Variants in LY9 observed in about 807,000 individuals in gnomAD.
LY9 encodes lymphocyte antigen 9.
Under a neutral mutation model 64.6 loss-of-function variants are expected in LY9, and 59 were observed. The observed-to-expected ratio is 0.91, with a 90% CI of 0.74 to 1.13. The LOEUF is 1.13. Among genes scored for constraint, LY9 ranks in the 50% most tolerant of loss-of-function variants. LY9 has a pLI of 0.00. For missense variants in LY9, 789 were observed against 797.2 expected (o/e 0.99, Z 0.12); for synonymous variants, 281 against 308.5 (o/e 0.91, Z 0.93).
In LY9 at chr1:160,816,791, A is replaced by G. The variant is rs1276875498; in HGVS notation, c.1270A>G (p.Asn424Asp). Reference sequence around the variant, plus strand: ...ATGGAGAAGCAGTGAAAATCACCCCAACCTCACATGCACAGCCAGCAACCC... The same window carrying G: ...ATGGAGAAGCAGTGAAAATCACCCCGACCTCACATGCACAGCCAGCAACCC... Reference protein sequence around the residue: ...VSWRSSENHPNLTCTASNPVS... With the variant: ...VSWRSSENHPDLTCTASNPVS... Residue 424 changes from asparagine (N) to aspartate (D), a missense_variant, in exon 5 of 10, where the codon AAC becomes GAC. Physicochemically the swap from Asn to Asp is conservative, Grantham distance 23. Transcript: ENST00000263285. The G allele has an allele frequency of 3.1e-6, 5 of 1,614,086 alleles. No individual in the cohort carries two copies. In the East Asian group the frequency reaches 8.9e-5, roughly 29 times the overall value.
intron 3 of LY9, among the ~76,000 whole-genome samples, 198 bp from the exon 4 acceptor site, chr1:160,814,222 A>G (rs779706711): frequency 2.6e-5 from 4 of 152,134 alleles, no homozygotes; most frequent in Non-Finnish European, 5.9e-5. Flanking sequence ...GGGACATGAG[A>G]GTCCAAGTAT....
intron 2 of LY9, among the ~76,000 whole-genome samples, chr1:160,804,627 C>A (rs1666805260): frequency 6.6e-6 from 1 of 152,118 alleles, no homozygotes. Context: ...AAATTCCCCC[C>A]ACTTTGATTT....
At chr1:160,824,311 C>G in intron 9 of LY9, 62 bp downstream of exon 9, 2 of 1,596,288 alleles carry the variant, frequency 1.3e-6, no homozygotes, top group Non-Finnish European at 8.5e-7. Context: ...TTCCTTAGAC[C>G]CTTTGAACTG....
intron 4 of LY9, 55 bp downstream of exon 4, chr1:160,814,816 C>A: frequency 7.0e-7 from 1 of 1,425,958 alleles, no homozygotes; most frequent in Non-Finnish European, 9.7e-7. Flanking sequence ...AAGCTTTCTC[C>A]TCTGCTGCCT....
intron 2 of LY9, chr1:160,812,323 T>A (rs544229155): frequency 6.6e-6 from 1 of 152,352 alleles, no homozygotes; most frequent in South Asian, 2.1e-4. Flanking sequence ...TCTCCAAATA[T>A]AGTTCTATCT....
At chr1:160,797,810 T>A (rs1240548887) in intron 1 of LY9, among the ~76,000 whole-genome samples, 1 of 151,918 alleles carries the variant, frequency 6.6e-6, no homozygotes, top group Non-Finnish European at 1.5e-5. Flanking sequence ...AAGTGTAAAA[T>A]ATAGTTAGTA....
At chr1:160,804,602 C>T (rs1467984571) in intron 2 of LY9, among the ~76,000 whole-genome samples, 4 of 151,878 alleles carry the variant, frequency 2.6e-5, no homozygotes, top group African/African-American at 4.8e-5. Flanking sequence ...CTGGCCTCAT[C>T]GAATGAGTTA....
At chr1:160,815,059 G>A (rs1180415671) in intron 4 of LY9, 1 of 373,104 alleles carries the variant, frequency 2.7e-6, no homozygotes, top group Non-Finnish European at 4.9e-6. Context: ...GGGACTAGGA[G>A]GCCAGGTGCG....
rs551066826 is a variant in LY9 at position 160,804,404 on chromosome 1, T to G, written c.454+4322T>G. On this transcript the variant is annotated intron_variant, in intron 2 of 9. Transcript: ENST00000263285. ...GATGTATCACATTTATTGATTTACA[T>G]ACGTTAAACCATCCTTGCATCCCTG... 1.1e-4 allele frequency among the ~76,000 whole-genome samples: 16 copies of G among 152,372 alleles called. No individual in the cohort carries two copies. In the South Asian group the frequency reaches 3.1e-3, roughly 30 times the overall value.
chr1:160,809,572 G>C (rs1299886213), intron 2 of LY9, among the ~76,000 whole-genome samples: 1 of 151,964 alleles, frequency 6.6e-6, no homozygotes, highest in Non-Finnish European at 1.5e-5. Flanking sequence ...ATGTTGCCCA[G>C]GCTGATTCCA....
rs932846797 is a variant in LY9, at chr1:160,814,500, C to G, written c.811C>G (p.Leu271Val). 1.2e-6 allele frequency: 2 copies of G among 1,614,028 alleles called. No homozygotes were observed. Among genetic ancestry groups the G allele is most frequent in the African/African-American group, 2.7e-5 (2 of 74,896 alleles). ...AGAGCCAGTCACCCTGCCACTTGCA[C>G]TCCCAGCCTGCCGGGACACAGAGAA... ...LGEPVTLPLA[L>V]PACRDTEKVV... Residue 271 changes from leucine (L) to valine (V), a missense_variant, in exon 4 of 10, where the codon CTC becomes GTC. Coordinates refer to ENST00000263285, the MANE Select transcript of LY9 (RefSeq NM_002348.4).
intron 2 of LY9, chr1:160,800,285 C>T (rs1666324984): frequency 1.8e-6 from 1 of 561,402 alleles, no homozygotes; most frequent in Non-Finnish European, 3.2e-6. Context: ...TTGATTTTCT[C>T]TATCTTACTG....
At chr1:160,799,543 T>G (rs934100571) in intron 1 of LY9, 10 of 521,312 alleles carry the variant, frequency 1.9e-5, no homozygotes, top group African/African-American at 1.9e-4. Flanking sequence ...TTTCACAGAT[T>G]GTTGTGGCTG....
intron 2 of LY9, among the ~76,000 whole-genome samples, chr1:160,809,086 C>T (rs578077445): frequency 1.3e-5 from 2 of 152,052 alleles, no homozygotes; most frequent in Admixed American, 6.5e-5. Context: ...AATGAATATT[C>T]TTGTGCACCT....
Position 160,813,647 on chromosome 1 carries a change from G to T in LY9, c.466G>T (p.Glu156Ter), listed in dbSNP as rs537621594. 1 of 1,613,526 alleles carries T rather than the reference G, an allele frequency of 6.2e-7. No homozygotes were observed. The highest frequency in any genetic ancestry group is 1.1e-5 in the South Asian group (1 of 91,028). The change falls in exon 3 of 10, where the codon GAG becomes TAG. Residue 156 changes from glutamate to a stop codon, truncating the protein, a stop_gained. Transcript: ENST00000263285. LOFTEE classifies it high-confidence loss of function. ...TGTTGTCCCTGCAGAGCAGCTGCAG[G>T]AGCCCCAAGTCACCATGAAGTCTGT... ...FTLFVYEQLQ[E>*]PQVTMKSVKV...
At chr1:160,821,167 A>AAC (rs1553192088) in intron 7 of LY9, among the ~76,000 whole-genome samples, 1 of 151,432 alleles carries the variant, frequency 6.6e-6, no homozygotes, top group Non-Finnish European at 1.5e-5. Flanking sequence ...AAAAAAAAAA[A>AAC]AACCATATAT....
chr1:160,827,989 A>C lies in LY9; in HGVS notation c.*173A>C. On this transcript the variant is annotated 3_prime_UTR_variant, in exon 10 of 10. Coordinates refer to ENST00000263285, the MANE Select transcript of LY9 (RefSeq NM_002348.4). Reference sequence around the variant, plus strand: ...CTCACCCTTAAGGACTCCCAAACCCATTAATAGTTCAGACACAGGCTCCTT... The same window carrying C: ...CTCACCCTTAAGGACTCCCAAACCCCTTAATAGTTCAGACACAGGCTCCTT... The C allele has an allele frequency of 2.0e-6, 1 of 498,258 alleles. No individual in the cohort carries two copies. Among genetic ancestry groups the C allele is most frequent in the Non-Finnish European group, 3.6e-6 (1 of 279,296 alleles). The allele number at this position is 498,258 out of a possible 1,614,324, so 30.9% of individuals were successfully genotyped here.
intron 5 of LY9, among the ~76,000 whole-genome samples, 191 bp from the exon 6 acceptor site, chr1:160,818,027 G>T (rs770217799): frequency 1.3e-5 from 2 of 152,164 alleles, no homozygotes; most frequent in Non-Finnish European, 2.9e-5. Context: ...GTCTGCCTCA[G>T]GTACTGCTAT....
intron 7 of LY9, among the ~76,000 whole-genome samples, chr1:160,819,674 C>T (rs533964767): frequency 3.8e-4 from 58 of 151,588 alleles, no homozygotes; most frequent in African/African-American, 1.3e-3. Context: ...GCCTGTAATC[C>T]CAGCTACTCG....
Sources: allele counts gnomAD v4.1 joint callset (sites outside exome capture counted in the v4.1 genomes callset), GRCh38; gene constraint gnomAD v4.1.1; transcripts MANE v1.5; gene names NCBI Gene and HGNC (gene_info 2026-07-23, HGNC 2026-07-21).